The following AKAP9 variants were observed in gnomAD, a reference collection of about 807,000 sequenced individuals.
AKAP9 encodes A-kinase anchoring protein 9, also known as A-kinase anchor protein 9.
AKAP9 carries 311 observed loss-of-function variants against 488.5 expected under a neutral mutation model. The observed-to-expected ratio is 0.64, with a 90% confidence interval of 0.58 to 0.70. The LOEUF (loss-of-function observed/expected upper bound fraction) is 0.70. AKAP9 is among the 30% of genes least tolerant of loss of function. The probability of loss-of-function intolerance (pLI) is 0.00; values close to 1 mark genes in which losing one functional copy is unlikely to be tolerated. For missense variants in AKAP9, 4,215 were observed against 4,374.5 expected, an observed-to-expected ratio of 0.96 and a Z score of 1.03; for synonymous variants, 1,462 against 1,483.5, an observed-to-expected ratio of 0.99 and a Z score of 0.33.
intron 42 of AKAP9, 36 bp from the exon 43 acceptor site, chr7:92,098,073 G>T: frequency 7.3e-7 from 1 of 1,378,812 alleles, no homozygotes; most frequent in South Asian, 1.2e-5. Context: ...CCCCAATTGA[G>T]AAGGTATGTT....
chr7:91,999,328 T>C (rs1343011287), intron 7 of AKAP9, among the ~76,000 whole-genome samples: 1 of 152,140 alleles, frequency 6.6e-6, no homozygotes, highest in African/African-American at 2.4e-5. Context: ...TGGGTTCATG[T>C]GATTCTCCTG....
chr7:92,001,392 A>G lies in AKAP9; in HGVS notation c.1475A>G (p.Asn492Ser). 1.2e-6 allele frequency: 2 copies of G among 1,613,914 alleles called. No individual in the cohort carries two copies. The highest frequency in any genetic ancestry group is 1.7e-6 in the Non-Finnish European group (2 of 1,179,816). Residue 492 changes from asparagine (N) to serine (S), a missense_variant, in exon 8 of 50, where the codon AAT becomes AGT. Physicochemically the swap from Asn to Ser is conservative, Grantham distance 46 (BLOSUM62 1). Coordinates refer to ENST00000356239, the MANE Select transcript of AKAP9 (RefSeq NM_005751.5). ...AATGAAGATCAGATAAAGTTAATGA[A>G]TGTGGCAATAAATGAACTGAATATA... ...TVNEDQIKLMNVAINELNIKL... is the reference protein window; with the variant it reads ...TVNEDQIKLMSVAINELNIKL...
chr7:92,003,052 A>G lies in AKAP9; in HGVS notation c.3135A>G (p.Glu1045=), dbSNP rs1194804974. The G allele has an allele frequency of 1.2e-6, 2 of 1,613,336 alleles. No homozygotes were observed. Among genetic ancestry groups the G allele is most frequent in the South Asian group, 2.2e-5 (2 of 90,940 alleles). The part of the protein sequence containing the change: ...VSKVNKSFGE[E]SKIMVEDKVS... ...AAGTAAATAAAAGTTTTGGTGAAGAATCAAAAATAATGGTGGAAGATAAAG... is the reference window on the plus strand; with the variant it reads ...AAGTAAATAAAAGTTTTGGTGAAGAGTCAAAAATAATGGTGGAAGATAAAG... The change falls in exon 8 of 50, where the codon GAA becomes GAG. Residue 1045 remains glutamate (E), a synonymous_variant. Transcript: ENST00000356239.
Position 92,100,956 on chromosome 7 carries a change from T to G in AKAP9, c.10997T>G (p.Leu3666Trp). ...GAAAAATTGACTCTCCAGAAATCTT[T>G]GAAAAGGGCAGAGGCTGAAGTATAC... ...NREKLTLQKS[L>W]KRAEAEVYKL... The change falls in exon 45 of 50, where the codon TTG (leucine) becomes TGG (tryptophan). Residue 3666 changes from leucine to tryptophan, a missense_variant. Physicochemically the swap from Leu to Trp is moderately conservative, Grantham distance 61 (BLOSUM62 -2). Coordinates refer to ENST00000356239, the MANE Select transcript of AKAP9 (RefSeq NM_005751.5). 6.2e-7 allele frequency: 1 copy of G among 1,614,194 alleles called. No individual in the cohort carries two copies. Among genetic ancestry groups the G allele is most frequent in the Non-Finnish European group, 8.5e-7 (1 of 1,180,042 alleles).
chr7:92,108,380 C>T (rs1818870649), intron 48 of AKAP9, 114 bp from the exon 49 acceptor site: 4 of 964,168 alleles, frequency 4.1e-6, no homozygotes, highest in Non-Finnish European at 5.0e-6. Flanking sequence ...GGAGGAGATA[C>T]ATTATGTGTG....
chr7:92,040,663 T>TA lies in AKAP9; in HGVS notation c.4693-10dup, dbSNP rs1805943523. 1.3e-6 allele frequency: 2 copies of TA among 1,485,848 alleles called. No homozygotes were observed. The highest frequency in any genetic ancestry group is 1.2e-5 in the South Asian group (1 of 80,994). 92.0% of individuals were successfully genotyped at this position (1,485,848 alleles called of 1,614,324 possible). A position where few individuals can be genotyped will look rare whatever the true frequency, so the allele number is the denominator to read the frequency against. The stretch of plus-strand genomic sequence containing the variant: ...GTTGAATTGTTTTTTTTTTTTTTTT[T>TA]ACTATTAAAGATTCATGATGAGATT... On this transcript the variant is annotated splice_polypyrimidine_tract_variant and intron_variant, in intron 17 of 49. Coordinates refer to ENST00000356239, the MANE Select transcript of AKAP9 (RefSeq NM_005751.5).
chr7:92,047,001 AAG>A (rs1807115422), intron 21 of AKAP9, among the ~76,000 whole-genome samples: 1 of 152,200 alleles, frequency 6.6e-6, no homozygotes, highest in African/African-American at 2.4e-5. Flanking sequence ...CATACCTTGA[AAG>A]ACAGTGAACT....
intron 5 of AKAP9, 147 bp from the exon 6 acceptor site, chr7:91,994,474 G>GT: frequency 1.4e-6 from 1 of 724,886 alleles, no homozygotes; most frequent in South Asian, 2.1e-5. Context: ...ACCAATTTCT[G>GT]TAAGTTAATA....
At chr7:91,954,693 C>G (rs1240087828) in intron 1 of AKAP9, among the ~76,000 whole-genome samples, 1 of 138,056 alleles carries the variant, frequency 7.2e-6, no homozygotes, top group Non-Finnish European at 1.6e-5. Context: ...ATAGGAAACA[C>G]CTGGGAAGCT....
chr7:92,073,243 T>C (rs1450783517), intron 28 of AKAP9, among the ~76,000 whole-genome samples: 1 of 151,148 alleles, frequency 6.6e-6, no homozygotes, highest in Non-Finnish European at 1.5e-5. Flanking sequence ...ACGCCTGTAA[T>C]CCCAACACTT....
intron 3 of AKAP9, among the ~76,000 whole-genome samples, chr7:91,984,511 C>T (rs1796823158): frequency 6.6e-6 from 1 of 152,156 alleles, no homozygotes; most frequent in Admixed American, 6.5e-5. Context: ...GTACCAGTAT[C>T]ATGCTGTTTT....
intron 26 of AKAP9, among the ~76,000 whole-genome samples, chr7:92,068,275 A>G (rs989380127): frequency 1.3e-5 from 2 of 149,804 alleles, no homozygotes; most frequent in African/African-American, 4.9e-5. Flanking sequence ...CTGAGACAGG[A>G]GAATGGCATG....
At chr7:92,089,562 A>T (rs750480311) in intron 38 of AKAP9, 33 bp downstream of exon 38, 2 of 1,603,858 alleles carry the variant, frequency 1.2e-6, no homozygotes, top group Non-Finnish European at 8.5e-7. Context: ...ATGGTTACAC[A>T]AACAGGTGAA....
chr7:92,110,267 C>A lies in AKAP9; in HGVS notation c.*108C>A. The A allele has an allele frequency of 1.1e-6, 1 of 882,830 alleles. No individual in the cohort carries two copies. The highest frequency in any genetic ancestry group is 1.8e-6 in the Non-Finnish European group (1 of 545,390). 54.7% of individuals were successfully genotyped at this position (882,830 alleles called of 1,614,324 possible). On this transcript the variant is annotated 3_prime_UTR_variant, in exon 50 of 50. Transcript: ENST00000356239. Reference sequence around the variant, plus strand: ...GAATATTCAATGGGACCAATATGAACACAGCTTATGATTGTATACAAATCC... The same window carrying A: ...GAATATTCAATGGGACCAATATGAAAACAGCTTATGATTGTATACAAATCC...
At chr7:91,991,322 G>T (rs1797721382) in intron 3 of AKAP9, among the ~76,000 whole-genome samples, 1 of 152,052 alleles carries the variant, frequency 6.6e-6, no homozygotes, top group Non-Finnish European at 1.5e-5. Flanking sequence ...ATTTTTTAGA[G>T]ACATGGTTCT....
intron 2 of AKAP9, among the ~76,000 whole-genome samples, chr7:91,976,876 GTGT>G (rs1425349446): frequency 8.5e-5 from 13 of 152,050 alleles, no homozygotes; most frequent in Non-Finnish European, 1.2e-4. Flanking sequence ...ATTTGGTGAG[GTGT>G]TGTTCTTACA....
chr7:92,017,002 T>C lies in AKAP9; in HGVS notation c.3752-15T>C, dbSNP rs1295806263. The stretch of plus-strand genomic sequence containing the variant: ...TGTGAAGTGAAATTATTGTAATTGT[T>C]TGTTTACCATCCAGACTTTCAAGAA... On this transcript the variant is annotated splice_polypyrimidine_tract_variant and intron_variant, in intron 11 of 49. Coordinates refer to ENST00000356239, the MANE Select transcript of AKAP9 (RefSeq NM_005751.5). 2 of 1,502,624 alleles carry C rather than the reference T, an allele frequency of 1.3e-6. No homozygotes were observed. The highest frequency in any genetic ancestry group is 1.7e-5 in the Admixed American group (1 of 57,748). 93.1% of individuals were successfully genotyped at this position (1,502,624 alleles called of 1,614,324 possible). A position where few individuals can be genotyped will look rare whatever the true frequency, so the allele number is the denominator to read the frequency against.
chr7:92,031,202 A>G (rs1804177005), intron 15 of AKAP9, among the ~76,000 whole-genome samples: 1 of 152,226 alleles, frequency 6.6e-6, no homozygotes. Flanking sequence ...GGAAATCTGT[A>G]CACACATATA....
At chr7:92,092,635 A>G (rs999275515) in intron 38 of AKAP9, 1 of 154,874 alleles carries the variant, frequency 6.5e-6, no homozygotes. Flanking sequence ...ATTTATTTTT[A>G]TACGTTACCA....
Sources: gnomAD v4.1 joint callset for allele counts (sites outside exome capture counted in the v4.1 genomes callset) on GRCh38, gnomAD v4.1.1 for gene constraint, MANE v1.5 for transcripts, NCBI Gene and HGNC (gene_info 2026-07-23, HGNC 2026-07-21) for gene names.